The following TOX variants were observed in gnomAD, a reference collection of about 807,000 sequenced individuals.
TOX encodes the protein thymocyte selection associated high mobility group box, also known as thymocyte selection-associated high mobility group box protein TOX.
A neutral mutation model predicts 53.7 loss-of-function variants in TOX; 11 were observed. That is an observed-to-expected ratio of 0.20 (90% CI 0.13 to 0.34). The LOEUF (loss-of-function observed/expected upper bound fraction) is 0.34, where lower values mean the gene tolerates loss of function less well. Among genes scored for constraint, TOX ranks in the 10% least tolerant of loss-of-function variants. The pLI is 1.00. For synonymous variants in TOX, 225 were observed against 245.3 expected, an observed-to-expected ratio of 0.92 and a Z score of 0.77; for missense variants, 570 against 664.6, an observed-to-expected ratio of 0.86 and a Z score of 1.56.
chr8:58,954,570 C>T (rs1044563257), intron 2 of TOX, among the ~76,000 whole-genome samples: 2 of 152,074 alleles, frequency 1.3e-5, no homozygotes, highest in African/African-American at 4.8e-5. Context: ...GACAAATACA[C>T]ACCATGATAA....
chr8:59,097,481 C>G (rs1173515219), intron 1 of TOX, among the ~76,000 whole-genome samples: 1 of 152,100 alleles, frequency 6.6e-6, no homozygotes, highest in Non-Finnish European at 1.5e-5. Flanking sequence ...TAAAATACTG[C>G]CGTTAATTTC....
chr8:59,092,235 G>C (rs1386373700), intron 1 of TOX, among the ~76,000 whole-genome samples: 6 of 111,082 alleles, frequency 5.4e-5, no homozygotes, highest in Non-Finnish European at 9.8e-5. Context: ...CTGGGCGAAA[G>C]AGCAAGACTC....
intron 3 of TOX, among the ~76,000 whole-genome samples, chr8:58,907,412 G>A (rs1355777659): frequency 6.6e-6 from 1 of 152,094 alleles, no homozygotes; most frequent in Non-Finnish European, 1.5e-5. Flanking sequence ...TGACCAACAT[G>A]GTGAAACTTC....
chr8:59,053,873 G>A (rs1209810084), intron 1 of TOX, among the ~76,000 whole-genome samples: 2 of 152,102 alleles, frequency 1.3e-5, no homozygotes, highest in Non-Finnish European at 2.9e-5. Context: ...CCTACTTTAT[G>A]TAAAGCAAAC....
chr8:59,105,567 C>T lies in TOX; in HGVS notation c.102+13319G>A, dbSNP rs192440144. 2.0e-3 allele frequency among the ~76,000 whole-genome samples: 305 copies of T among 152,128 alleles called. 1 individual carries two copies. Among genetic ancestry groups the T allele is most frequent in the Non-Finnish European group, 3.4e-3 (233 of 67,992 alleles). On this transcript the variant is annotated intron_variant, in intron 1 of 8. Transcript: ENST00000361421. ...ACTGCATACTATATGAAGGCTGGAT[C>T]GTCAGCCTGCAATTTGTTATGTTCT...
intron 1 of TOX, among the ~76,000 whole-genome samples, chr8:59,037,512 T>A (rs1803490945): frequency 6.6e-6 from 1 of 152,182 alleles, no homozygotes; most frequent in South Asian, 2.1e-4. Flanking sequence ...GGTCTACATA[T>A]TTCTTCATTC....
At chr8:59,040,696 G>T (rs971637339) in intron 1 of TOX, among the ~76,000 whole-genome samples, 1 of 152,154 alleles carries the variant, frequency 6.6e-6, no homozygotes. Context: ...TGCACAGCAC[G>T]ACCAAAGCAC....
intron 6 of TOX, among the ~76,000 whole-genome samples, chr8:58,825,887 A>G (rs1318910256): frequency 6.6e-6 from 1 of 152,200 alleles, no homozygotes; most frequent in Non-Finnish European, 1.5e-5. Context: ...AAAGCTAGAA[A>G]TTTTAAGGTA....
intron 6 of TOX, among the ~76,000 whole-genome samples, chr8:58,822,024 A>G (rs1810289931): frequency 6.6e-6 from 1 of 152,178 alleles, no homozygotes; most frequent in African/African-American, 2.4e-5. Context: ...ATTCCATATG[A>G]AAGTGCAGAG....
chr8:59,071,033 T>C (rs1385584615), intron 1 of TOX, among the ~76,000 whole-genome samples: 1 of 152,242 alleles, frequency 6.6e-6, no homozygotes, highest in Non-Finnish European at 1.5e-5. Flanking sequence ...CACAAGGGAA[T>C]GACTACCAGC....
At position 58,994,420 on chromosome 8, in the gene TOX, G is replaced by GCA. The variant is rs1563412034; in HGVS notation, c.103-34413_103-34412insTG. On this transcript the variant is annotated intron_variant, in intron 1 of 8. Transcript: ENST00000361421. The stretch of plus-strand genomic sequence containing the variant: ...TGTGTGTGTGTGTGTGTGTGTGTGT[G>GCA]CGCGCGCGCATGTGTGTGTATTTTT... Among the ~76,000 whole-genome samples the GCA allele has an allele frequency of 1.0e-4, 14 of 136,428 alleles. No homozygotes were observed. The South Asian group carries it at 1.3e-3, about 13-fold the overall frequency. 89.5% of individuals were successfully genotyped at this position (136,428 alleles called of 152,430 possible).
chr8:58,875,497 C>T (rs1346578972), intron 3 of TOX, among the ~76,000 whole-genome samples: 4 of 151,932 alleles, frequency 2.6e-5, no homozygotes, highest in African/African-American at 9.7e-5. Flanking sequence ...TCAGGGCAGG[C>T]TCCATGACAT....
chr8:58,929,271 A>C (rs1812219443), intron 3 of TOX, among the ~76,000 whole-genome samples: 1 of 152,146 alleles, frequency 6.6e-6, no homozygotes, highest in Non-Finnish European at 1.5e-5. Context: ...TTCATATTTT[A>C]AGTTATTTAA....
intron 5 of TOX, among the ~76,000 whole-genome samples, chr8:58,832,631 T>G (rs1177435686): frequency 6.6e-6 from 1 of 152,176 alleles, no homozygotes; most frequent in East Asian, 1.9e-4. Flanking sequence ...ATTCTGGCTC[T>G]TCATATCCCT....
intron 1 of TOX, among the ~76,000 whole-genome samples, chr8:58,975,892 T>A (rs1050893289): frequency 6.6e-6 from 1 of 152,050 alleles, no homozygotes; most frequent in African/African-American, 2.4e-5. Flanking sequence ...GCCAACATGG[T>A]GAAACCCCGT....
chr8:58,950,598 A>G (rs532510576), intron 2 of TOX, among the ~76,000 whole-genome samples: 2 of 152,350 alleles, frequency 1.3e-5, no homozygotes, highest in South Asian at 4.1e-4. Flanking sequence ...GGAAAAAAAT[A>G]GTTGAAAAAA....
chr8:58,993,674 CT>C (rs2129417568), intron 1 of TOX, among the ~76,000 whole-genome samples: 1 of 152,136 alleles, frequency 6.6e-6, no homozygotes, highest in African/African-American at 2.4e-5. Context: ...TGCCTTTCAA[CT>C]TTCCAGTCTC....
At chr8:58,825,073 G>C (rs550233732) in intron 6 of TOX, among the ~76,000 whole-genome samples, 2 of 152,156 alleles carry the variant, frequency 1.3e-5, no homozygotes, top group Admixed American at 1.3e-4. Flanking sequence ...AATTAAAATG[G>C]AAAAGAATTA....
intron 1 of TOX, among the ~76,000 whole-genome samples, chr8:59,062,016 A>G (rs1803994812): frequency 1.3e-5 from 2 of 152,204 alleles, no homozygotes. Flanking sequence ...AAACATTCCA[A>G]GAAGAGGCTT....
Sources: allele counts gnomAD v4.1 joint callset (sites outside exome capture counted in the v4.1 genomes callset), GRCh38; gene constraint gnomAD v4.1.1; transcripts MANE v1.5; gene names NCBI Gene and HGNC (gene_info 2026-07-23, HGNC 2026-07-21).